CLEC3A: variants seen among roughly 807,000 people sequenced by gnomAD.
CLEC3A encodes C-type (calcium dependent, carbohydrate-recognition domain) lectin, superfamily member 1 (cartilage-derived).
Under a neutral mutation model 20.4 loss-of-function variants are expected in CLEC3A, and 28 were observed. The observed-to-expected ratio is 1.37, with a 90% CI of 1.02 to 1.88. The LOEUF (loss-of-function observed/expected upper bound fraction) is 1.88, where lower values mean the gene tolerates loss of function less well. Ranked by LOEUF, CLEC3A falls within the 40% of genes most tolerant of loss-of-function variation. The probability of loss-of-function intolerance (pLI) is 0.00; values close to 1 mark genes in which losing one functional copy is unlikely to be tolerated. For synonymous variants in CLEC3A, 110 were observed against 88.1 expected, an observed-to-expected ratio of 1.25 and a Z score of -1.39; for missense variants, 357 against 240.4, an observed-to-expected ratio of 1.48 and a Z score of -3.21.
At position 78,030,863 on chromosome 16, in the gene CLEC3A, C is replaced by G. The variant is rs144023997; in HGVS notation, c.*22C>G. ...ATAGGTCTTTCTCCAATGTGTCCTC[C>G]AAGCAAGATTCATCATAACTTATAG... On this transcript the variant is annotated 3_prime_UTR_variant, in exon 3 of 3. Transcript: ENST00000299642. 24 of 1,579,208 alleles carry G rather than the reference C, an allele frequency of 1.5e-5. No individual in the cohort carries two copies. Among genetic ancestry groups the G allele is most frequent in the Non-Finnish European group, 1.9e-5 (22 of 1,162,862 alleles).
intron 1 of CLEC3A, among the ~76,000 whole-genome samples, chr16:78,027,199 T>C (rs548029477): frequency 6.6e-6 from 1 of 151,922 alleles, no homozygotes; most frequent in South Asian, 2.1e-4. Context: ...CCAAGAATAA[T>C]AAGACAGATG....
intron 1 of CLEC3A, among the ~76,000 whole-genome samples, chr16:78,023,012 G>A (rs1000879497): frequency 1.3e-5 from 2 of 152,094 alleles, no homozygotes; most frequent in South Asian, 4.1e-4. Flanking sequence ...TTGTTAGGTG[G>A]GCTTAAATAG....
chr16:78,022,550 G>T lies in CLEC3A; in HGVS notation c.-77G>T, dbSNP rs1310620532. The T allele has an allele frequency of 6.4e-7, 1 of 1,556,552 alleles. No individual in the cohort carries two copies. Among genetic ancestry groups the T allele is most frequent in the Non-Finnish European group, 8.7e-7 (1 of 1,153,880 alleles). On this transcript the variant is annotated 5_prime_UTR_variant, in exon 1 of 3. Coordinates refer to ENST00000299642, the MANE Select transcript of CLEC3A (RefSeq NM_005752.6). ...GCCAGCCCCAGGCATCCCAGAGCAA[G>T]ATGTAGCTGTGTAGTCTCCTTCCAT...
chr16:78,024,431 T>C (rs1210401404), intron 1 of CLEC3A, among the ~76,000 whole-genome samples: 1 of 152,060 alleles, frequency 6.6e-6, no homozygotes, highest in African/African-American at 2.4e-5. Context: ...CTCCCTACCT[T>C]CTTTCCCACT....
chr16:78,029,429 CGCAATCTCGGCTCACT>C (rs2030019367), intron 2 of CLEC3A, among the ~76,000 whole-genome samples: 1 of 152,126 alleles, frequency 6.6e-6, no homozygotes, highest in African/African-American at 2.4e-5. Flanking sequence ...AGTACAATGG[CGCAATCTCGGCTCACT>C]GCAACCTCTG....
chr16:78,026,370 A>C (rs2262658), intron 1 of CLEC3A, among the ~76,000 whole-genome samples: 3 of 152,046 alleles, frequency 2.0e-5, no homozygotes, highest in Non-Finnish European at 4.4e-5. Flanking sequence ...AGCAGCTGGG[A>C]ACAGTTCATA....
intron 1 of CLEC3A, among the ~76,000 whole-genome samples, chr16:78,023,625 T>A (rs1189456340): frequency 6.6e-6 from 1 of 152,118 alleles, no homozygotes; most frequent in Non-Finnish European, 1.5e-5. Context: ...ATACACAAAT[T>A]TCAGCAAGGT....
At chr16:78,028,473 A>C (rs1392308168) in intron 2 of CLEC3A, among the ~76,000 whole-genome samples, 1 of 152,268 alleles carries the variant, frequency 6.6e-6, no homozygotes, top group Non-Finnish European at 1.5e-5. Flanking sequence ...GAATGAAGCC[A>C]GTATGAAATG....
At chr16:78,025,665 C>G (rs2029893484) in intron 1 of CLEC3A, among the ~76,000 whole-genome samples, 1 of 152,224 alleles carries the variant, frequency 6.6e-6, no homozygotes, top group South Asian at 2.1e-4. Flanking sequence ...GCTTCAAACA[C>G]AAGATCTCTC....
intron 1 of CLEC3A, among the ~76,000 whole-genome samples, chr16:78,023,457 G>C (rs2018774859): frequency 6.6e-6 from 1 of 152,078 alleles, no homozygotes; most frequent in Admixed American, 6.5e-5. Flanking sequence ...AAAGAACAAT[G>C]ATGATAGCGA....
rs747904967 is a variant in CLEC3A at position 78,031,976 on chromosome 16, T to C, written c.*1135T>C. On this transcript the variant is annotated 3_prime_UTR_variant, in exon 3 of 3. Transcript: ENST00000299642. ...AAATATATTTTGTTCTTCAAATAAATAGTGTTTAAACATTGAATGTGTTTT... is the reference window on the plus strand; with the variant it reads ...AAATATATTTTGTTCTTCAAATAAACAGTGTTTAAACATTGAATGTGTTTT... 2.0e-5 allele frequency: 3 copies of C among 152,662 alleles called. No homozygotes were observed. The highest frequency in any genetic ancestry group is 2.0e-4 in the Admixed American group (3 of 15,284). 9.5% of individuals were successfully genotyped at this position (152,662 alleles called of 1,614,324 possible). A position where few individuals can be genotyped will look rare whatever the true frequency, so the allele number is the denominator to read the frequency against.
intron 2 of CLEC3A, among the ~76,000 whole-genome samples, chr16:78,030,046 G>C (rs776605312): frequency 1.1e-4 from 16 of 151,830 alleles, no homozygotes; most frequent in Non-Finnish European, 1.5e-4. Context: ...CCAGCTACTC[G>C]GGAGCCTGAG....
chr16:78,031,335 C>T lies in CLEC3A; in HGVS notation c.*494C>T, dbSNP rs1008820255. On this transcript the variant is annotated 3_prime_UTR_variant, in exon 3 of 3. Coordinates refer to ENST00000299642, the MANE Select transcript of CLEC3A (RefSeq NM_005752.6). ...TCCCATGCTGGCAATAATACCTTGT[C>T]AGCCCATTACCCTTATTTTGAATTG... 1.3e-5 allele frequency: 2 copies of T among 152,982 alleles called. No individual in the cohort carries two copies. Among genetic ancestry groups the T allele is most frequent in the Non-Finnish European group, 2.9e-5 (2 of 68,692 alleles). 9.5% of individuals were successfully genotyped at this position (152,982 alleles called of 1,614,324 possible).
chr16:78,029,063 T>C, intron 2 of CLEC3A: 1 of 451,062 alleles, frequency 2.2e-6, no homozygotes, highest in Admixed American at 2.4e-5. Flanking sequence ...AGAAATTCTT[T>C]ATAAACACAA....
rs780229701 is a variant in CLEC3A at position 78,022,732 on chromosome 16, C to T, written c.106C>T (p.Arg36Ter). 16 of 1,613,962 alleles carry T rather than the reference C, an allele frequency of 9.9e-6. No individual in the cohort carries two copies. The highest frequency in any genetic ancestry group is 8.3e-5 in the Admixed American group (5 of 59,976). The change falls in exon 1 of 3, where the codon CGA becomes TGA. Residue 36 changes from arginine to a stop codon, truncating the protein, a stop_gained. Coordinates refer to ENST00000299642, the MANE Select transcript of CLEC3A (RefSeq NM_005752.6). LOFTEE classifies it high-confidence loss of function. ...RLKARKHSKR[R>*]VRDKDGDLKT... is the part of the protein sequence containing the mutation. ...AAAAGCCAGGAAGCACAGCAAACGT[C>T]GAGTGAGAGGTAATGGGGCTTCTCA...
rs1258008835 is a variant in CLEC3A, at chr16:78,028,043, T to C, written c.116-64T>C. ...GCCTTGGGTCCTACATTCCAAAGCTTGATTTTATTTTAATCATACGCTTTT... is the reference window on the plus strand; with the variant it reads ...GCCTTGGGTCCTACATTCCAAAGCTCGATTTTATTTTAATCATACGCTTTT... On this transcript the variant is annotated intron_variant, in intron 1 of 2. Coordinates refer to ENST00000299642, the MANE Select transcript of CLEC3A (RefSeq NM_005752.6). 11 of 1,146,592 alleles carry C rather than the reference T, an allele frequency of 9.6e-6. No individual in the cohort carries two copies. In the Admixed American group the frequency reaches 1.4e-4, roughly 14 times the overall value. 71.0% of individuals were successfully genotyped at this position (1,146,592 alleles called of 1,614,324 possible). A position where few individuals can be genotyped will look rare whatever the true frequency, so the allele number is the denominator to read the frequency against.
intron 1 of CLEC3A, among the ~76,000 whole-genome samples, chr16:78,026,722 AG>A (rs1472202917): frequency 6.6e-6 from 1 of 152,194 alleles, no homozygotes; most frequent in Non-Finnish European, 1.5e-5. Flanking sequence ...CCAATCTCTA[AG>A]AGAATCCTTA....
intron 2 of CLEC3A, among the ~76,000 whole-genome samples, chr16:78,030,009 C>T (rs1255718087): frequency 1.3e-5 from 2 of 151,892 alleles, no homozygotes; most frequent in Admixed American, 6.6e-5. Flanking sequence ...AAAAATTAGC[C>T]GAGTGTGGTG....
At position 78,028,183 on chromosome 16, in the gene CLEC3A, G is replaced by T; in HGVS notation, c.192G>T (p.Leu64=). ...ATGCCTTGAAGGAAATTCAAGCCCT[G>T]CAGACAGGTAAGGTGCAGACCTTCT... ...EVNALKEIQA[L]QTVCLRGTKV... The change falls in exon 2 of 3, where the codon CTG becomes CTT. Residue 64 remains leucine (L), a synonymous_variant. Transcript: ENST00000299642. The T allele has an allele frequency of 6.2e-7, 1 of 1,607,980 alleles. No individual in the cohort carries two copies. The highest frequency in any genetic ancestry group is 8.5e-7 in the Non-Finnish European group (1 of 1,178,348).
Sources: gnomAD v4.1 joint callset for allele counts (sites outside exome capture counted in the v4.1 genomes callset) on GRCh38, gnomAD v4.1.1 for gene constraint, MANE v1.5 for transcripts, NCBI Gene and HGNC (gene_info 2026-07-23, HGNC 2026-07-21) for gene names.